The following CHMP3 variants were observed in gnomAD, a reference collection of about 807,000 sequenced individuals.
The protein encoded by CHMP3 is charged multivesicular body protein 3, also known as 25.1 protein.
CHMP3 carries 8 observed loss-of-function variants against 27.4 expected under a neutral mutation model. That is an observed-to-expected ratio of 0.29 (90% CI 0.17 to 0.53). The LOEUF is 0.53. CHMP3 is among the 20% of genes least tolerant of loss of function. The pLI is 0.96. For synonymous variants in CHMP3, 86 were observed against 85.5 expected (o/e 1.01, Z -0.03); for missense variants, 208 against 271.5 (o/e 0.77, Z 1.64).
At chr2:86,506,030 C>A in intron 5 of CHMP3, 81 bp from the exon 6 acceptor site, 1 of 1,386,740 alleles carries the variant, frequency 7.2e-7, no homozygotes, top group Non-Finnish European at 9.4e-7. Flanking sequence ...CATTCCTGGA[C>A]CAATCTGACC....
At chr2:86,543,842 T>C (rs1173418546) in intron 1 of CHMP3, among the ~76,000 whole-genome samples, 1 of 152,262 alleles carries the variant, frequency 6.6e-6, no homozygotes, top group Non-Finnish European at 1.5e-5. Context: ...CAGGTTTATG[T>C]ACTTTTTTTG....
chr2:86,525,593 C>T (rs1161745039), intron 3 of CHMP3, among the ~76,000 whole-genome samples: 1 of 150,890 alleles, frequency 6.6e-6, no homozygotes, highest in Non-Finnish European at 1.5e-5. Context: ...TCGGCAAGGA[C>T]ATTTACACAG....
chr2:86,538,592 T>C (rs1285023172), intron 2 of CHMP3, among the ~76,000 whole-genome samples: 2 of 152,162 alleles, frequency 1.3e-5, no homozygotes, highest in Admixed American at 1.3e-4. Context: ...TTCAGGGTGA[T>C]TTTAACTTTC....
chr2:86,555,164 G>A (rs1419385439), intron 1 of CHMP3, among the ~76,000 whole-genome samples: 1 of 152,058 alleles, frequency 6.6e-6, no homozygotes, highest in Non-Finnish European at 1.5e-5. Context: ...CTAATATGTT[G>A]TCATAGATTT....
At chr2:86,531,143 A>G (rs1462887098) in intron 2 of CHMP3, among the ~76,000 whole-genome samples, 2 of 151,928 alleles carry the variant, frequency 1.3e-5, no homozygotes, top group African/African-American at 4.8e-5. Context: ...CTCCGTTGGT[A>G]ACATCTTTTT....
chr2:86,529,795 G>C (rs1439769936), intron 2 of CHMP3, among the ~76,000 whole-genome samples: 1 of 152,096 alleles, frequency 6.6e-6, no homozygotes, highest in Non-Finnish European at 1.5e-5. Flanking sequence ...CATATTATAA[G>C]TCTCATACTG....
intron 1 of CHMP3, among the ~76,000 whole-genome samples, chr2:86,546,813 G>A (rs1216673129): frequency 2.0e-5 from 3 of 152,082 alleles, no homozygotes; most frequent in African/African-American, 7.2e-5. Flanking sequence ...CATATCTTCT[G>A]CCCATTTTTT....
chr2:86,542,462 T>A, intron 1 of CHMP3, 150 bp from the exon 2 acceptor site: 1 of 702,898 alleles, frequency 1.4e-6, no homozygotes, highest in Non-Finnish European at 2.4e-6. Context: ...CAAATTTTAC[T>A]TTTTTTTAAT....
Position 86,538,015 on chromosome 2 carries a change from T to C in CHMP3, c.106+4237A>G, listed in dbSNP as rs142577458. ...CACAATAGCCAAAAGGTGGACACAATCTAAATGTCCATCAGCAGATGAGTA... is the reference window on the plus strand; with the variant it reads ...CACAATAGCCAAAAGGTGGACACAACCTAAATGTCCATCAGCAGATGAGTA... On this transcript the variant is annotated intron_variant, in intron 2 of 5. Transcript: ENST00000263856. Among the ~76,000 whole-genome samples, 73 of 152,236 alleles carry C rather than the reference T, an allele frequency of 4.8e-4. No individual in the cohort carries two copies. In the Middle Eastern group the frequency reaches 0.01, roughly 21 times the overall value.
At chr2:86,553,037 A>C (rs938318556) in intron 1 of CHMP3, among the ~76,000 whole-genome samples, 1 of 30,714 alleles carries the variant, frequency 3.3e-5, no homozygotes, top group African/African-American at 1.2e-4. Context: ...GGGCAGCTTG[A>C]TGGGGGATGG....
intron 1 of CHMP3, among the ~76,000 whole-genome samples, chr2:86,559,465 A>G (rs1677261752): frequency 6.6e-6 from 1 of 152,120 alleles, no homozygotes; most frequent in Admixed American, 6.5e-5. Flanking sequence ...CATCCATCCT[A>G]TTGGTTCTAC....
At position 86,510,466 on chromosome 2, in the gene CHMP3, C is replaced by T; in HGVS notation, c.300G>A (p.Val100=). The T allele has an allele frequency of 6.2e-7, 1 of 1,613,124 alleles. No homozygotes were observed. The highest frequency in any genetic ancestry group is 8.5e-7 in the Non-Finnish European group (1 of 1,180,018). ...GMKNQLAVLR[V]AGSLQKSTEV... ...CTGTGCTCTTCTGCAGGGAACCAGC[C>T]ACTCGCAAGACCGCTGAAAGAGAAT... is the stretch of plus-strand genomic sequence containing the variant. Residue 100 remains valine (V), a synonymous_variant, in exon 4 of 6, where the codon GTG becomes GTA. Coordinates refer to ENST00000263856, the MANE Select transcript of CHMP3 (RefSeq NM_016079.4).
chr2:86,510,441 C>T lies in CHMP3; in HGVS notation c.325G>A (p.Glu109Lys). ...AGACTTTGCATGGCCTTCATCACTTCTGTGCTCTTCTGCAGGGAACCAGCC... is the reference window on the plus strand; with the variant it reads ...AGACTTTGCATGGCCTTCATCACTTTTGTGCTCTTCTGCAGGGAACCAGCC... ...RVAGSLQKST[E>K]VMKAMQSLVK... The change falls in exon 4 of 6, where the codon GAA becomes AAA. Residue 109 changes from glutamate to lysine, a missense_variant. By Grantham distance (56) the Glu-to-Lys change is moderately conservative. Transcript: ENST00000263856. The T allele has an allele frequency of 6.2e-7, 1 of 1,613,870 alleles. No individual in the cohort carries two copies.
At chr2:86,524,426 C>G (rs1450378141) in intron 3 of CHMP3, among the ~76,000 whole-genome samples, 1 of 152,128 alleles carries the variant, frequency 6.6e-6, no homozygotes, top group Non-Finnish European at 1.5e-5. Context: ...CAAAAATATT[C>G]AACAACAACG....
intron 2 of CHMP3, among the ~76,000 whole-genome samples, chr2:86,535,942 A>C (rs1399171584): frequency 6.6e-6 from 1 of 150,448 alleles, no homozygotes; most frequent in Non-Finnish European, 1.5e-5. Flanking sequence ...TTTATTTCTT[A>C]TTCATGTCTC....
rs1345941358 is a variant in CHMP3, at chr2:86,504,997, T to TG, written c.*806dup. On this transcript the variant is annotated 3_prime_UTR_variant, in exon 6 of 6. Coordinates refer to ENST00000263856, the MANE Select transcript of CHMP3 (RefSeq NM_016079.4). ...GCATGACCACACCTTAGTGTGCTCC[T>TG]GGTCAGCTCCTGACTTTGAGAAAAC... is the stretch of plus-strand genomic sequence containing the variant. 2 of 152,266 alleles carry TG rather than the reference T, an allele frequency of 1.3e-5. No individual in the cohort carries two copies. Among genetic ancestry groups the TG allele is most frequent in the African/African-American group, 4.8e-5 (2 of 41,440 alleles). 9.4% of individuals were successfully genotyped at this position (152,266 alleles called of 1,614,324 possible). A position where few individuals can be genotyped will look rare whatever the true frequency, so the allele number is the denominator to read the frequency against.
intron 1 of CHMP3, among the ~76,000 whole-genome samples, chr2:86,556,090 T>C (rs1677110929): frequency 1.3e-5 from 2 of 152,158 alleles, no homozygotes; most frequent in South Asian, 4.1e-4. Context: ...ATAAAATCAA[T>C]TTAAAGTAGG....
intron 1 of CHMP3, among the ~76,000 whole-genome samples, chr2:86,547,625 T>C (rs1308982178): frequency 6.6e-6 from 1 of 152,174 alleles, no homozygotes; most frequent in Non-Finnish European, 1.5e-5. Context: ...GACTATAATG[T>C]TATGTTAGAG....
intron 4 of CHMP3, among the ~76,000 whole-genome samples, chr2:86,509,065 G>GT (rs3835956): frequency 0.068 from 10,311 of 152,276 alleles, 488 homozygotes; most frequent in East Asian, 0.14. Context: ...ACTAAGATGT[G>GT]TTCTTGCCCT....
Sources: allele counts gnomAD v4.1 joint callset (sites outside exome capture counted in the v4.1 genomes callset), GRCh38; gene constraint gnomAD v4.1.1; transcripts MANE v1.5; gene names NCBI Gene and HGNC (gene_info 2026-07-23, HGNC 2026-07-21).